Variants in BIN3 observed in about 807,000 individuals in gnomAD.
BIN3 encodes bridging integrator 3.
BIN3 carries 41 observed loss-of-function variants against 38.2 expected under a neutral mutation model. The ratio of observed to expected loss-of-function variants is 1.07; its 90% CI spans 0.84 to 1.39. The LOEUF is 1.39. Ranked by LOEUF, BIN3 falls within the 40% of genes most tolerant of loss-of-function variation. The probability of loss-of-function intolerance (pLI) is 0.00; values close to 1 mark genes in which losing one functional copy is unlikely to be tolerated. For missense variants in BIN3, 361 were observed against 324.3 expected (o/e 1.11, Z -0.87); for synonymous variants, 145 against 122.6 (o/e 1.18, Z -1.21).
At chr8:22,660,561 G>A (rs1411746974) in intron 1 of BIN3, among the ~76,000 whole-genome samples, 1 of 152,240 alleles carries the variant, frequency 6.6e-6, no homozygotes, top group Admixed American at 6.5e-5. Flanking sequence ...AAGATGGCTG[G>A]ATGGAAACTG....
intron 4 of BIN3, among the ~76,000 whole-genome samples, chr8:22,635,667 C>T (rs1405488294): frequency 1.3e-5 from 2 of 152,266 alleles, no homozygotes; most frequent in South Asian, 2.1e-4. Context: ...ATTGGCGTTA[C>T]CTGTGCTTCT....
chr8:22,663,777 AC>A lies in BIN3; in HGVS notation c.8+5266del. 3.3e-5 allele frequency among the ~76,000 whole-genome samples: 5 copies of A among 152,024 alleles called. 1 individual carries two copies. The highest frequency in any genetic ancestry group is 3.3e-4 in the Admixed American group (5 of 15,264). ...CTCTTGACGCATTCTGACTCCACAC[AC>A]CTTTTTCATGCCATGCTTCTTACCT... On this transcript the variant is annotated intron_variant, in intron 1 of 8. Transcript: ENST00000276416.
intron 2 of BIN3, among the ~76,000 whole-genome samples, chr8:22,641,178 G>A (rs990119013): frequency 1.3e-5 from 2 of 152,142 alleles, no homozygotes; most frequent in African/African-American, 4.8e-5. Context: ...AAAGGCAATT[G>A]GACCCCAGTC....
At chr8:22,655,976 T>G (rs1490036796) in intron 1 of BIN3, among the ~76,000 whole-genome samples, 1 of 152,188 alleles carries the variant, frequency 6.6e-6, no homozygotes, top group African/African-American at 2.4e-5. Context: ...TCCTGATACT[T>G]AGCAAAGCAA....
intron 4 of BIN3, among the ~76,000 whole-genome samples, chr8:22,631,415 G>A (rs1269020014): frequency 6.6e-6 from 1 of 152,142 alleles, no homozygotes; most frequent in Non-Finnish European, 1.5e-5. Context: ...CTGCCAGCAG[G>A]TCCCCATCTT....
intron 1 of BIN3, among the ~76,000 whole-genome samples, chr8:22,665,056 G>T (rs1263441341): frequency 6.6e-6 from 1 of 152,214 alleles, no homozygotes; most frequent in Non-Finnish European, 1.5e-5. Flanking sequence ...GTGTGGAAGG[G>T]AGGTGTACGT....
At chr8:22,645,176 A>AC (rs1802677707) in intron 1 of BIN3, among the ~76,000 whole-genome samples, 1 of 152,088 alleles carries the variant, frequency 6.6e-6, no homozygotes, top group South Asian at 2.1e-4. Flanking sequence ...AAAAAAAAAA[A>AC]AAAAAATCCG....
At chr8:22,635,194 A>G (rs1410533823) in intron 4 of BIN3, among the ~76,000 whole-genome samples, 1 of 152,100 alleles carries the variant, frequency 6.6e-6, no homozygotes, top group African/African-American at 2.4e-5. Flanking sequence ...TCACGTCCCC[A>G]CGAAGGCCTC....
chr8:22,657,127 C>T (rs977125168), intron 1 of BIN3, among the ~76,000 whole-genome samples: 5 of 152,224 alleles, frequency 3.3e-5, no homozygotes, highest in African/African-American at 1.2e-4. Context: ...GAGGCAGATT[C>T]CTTCTATGAT....
chr8:22,639,309 G>A (rs1477267199), intron 2 of BIN3, among the ~76,000 whole-genome samples: 2 of 151,340 alleles, frequency 1.3e-5, no homozygotes, highest in African/African-American at 4.9e-5. Flanking sequence ...ATGGCTCACT[G>A]CAGCCTTGAC....
At chr8:22,628,257 C>A (rs972450678) in intron 6 of BIN3, among the ~76,000 whole-genome samples, 1 of 152,214 alleles carries the variant, frequency 6.6e-6, no homozygotes, top group Admixed American at 6.5e-5. Flanking sequence ...CGAGCCCCTG[C>A]AGGGAGGCTG....
intron 1 of BIN3, among the ~76,000 whole-genome samples, chr8:22,657,138 C>A (rs1803081317): frequency 6.6e-6 from 1 of 152,226 alleles, no homozygotes; most frequent in Non-Finnish European, 1.5e-5. Context: ...CTTCTATGAT[C>A]TCATGCAGCT....
intron 1 of BIN3, among the ~76,000 whole-genome samples, chr8:22,654,206 T>C (rs1802987736): frequency 6.6e-6 from 1 of 152,206 alleles, no homozygotes; most frequent in Admixed American, 6.5e-5. Flanking sequence ...TTGTTGTTGA[T>C]GTCTCTTCTA....
At chr8:22,625,743 A>T (rs74619373) in intron 6 of BIN3, 1 of 223,710 alleles carries the variant, frequency 4.5e-6, no homozygotes, top group African/African-American at 2.2e-5. Flanking sequence ...GTGTGCCACT[A>T]CGCCCAGCTA....
At chr8:22,633,846 GCTGT>G (rs1278141182) in intron 4 of BIN3, among the ~76,000 whole-genome samples, 1 of 152,196 alleles carries the variant, frequency 6.6e-6, no homozygotes, top group Non-Finnish European at 1.5e-5. Context: ...GACTGATGTG[GCTGT>G]CAGGCTCGCC....
intron 1 of BIN3, among the ~76,000 whole-genome samples, chr8:22,651,181 T>C (rs1365098280): frequency 2.0e-5 from 3 of 152,260 alleles, no homozygotes; most frequent in South Asian, 2.1e-4. Context: ...GCATACTTTT[T>C]TTTTAACTTT....
intron 6 of BIN3, chr8:22,625,524 T>G: frequency 1.5e-6 from 1 of 662,392 alleles, no homozygotes. Context: ...AGACTCACTG[T>G]CAGGTTCCAG....
chr8:22,667,827 G>A (rs1230436447), intron 1 of BIN3, among the ~76,000 whole-genome samples: 1 of 152,048 alleles, frequency 6.6e-6, no homozygotes, highest in African/African-American at 2.4e-5. Context: ...GTGGGGGAGG[G>A]GACAGATGGT....
In BIN3 at chr8:22,668,999, C is replaced by G. The variant is rs561145253; in HGVS notation, c.8+45G>C. On this transcript the variant is annotated intron_variant, in intron 1 of 8. Coordinates refer to ENST00000276416, the MANE Select transcript of BIN3 (RefSeq NM_018688.6). ...CACTGACACAGGGCCAGGGGCCTCG[C>G]GGGTCCGCGGGTCCAGCAGCTCCCG... is the stretch of plus-strand genomic sequence containing the variant. 2.2e-5 allele frequency: 34 copies of G among 1,556,376 alleles called. 1 individual carries two copies. The African/African-American group carries it at 2.6e-4, about 12-fold the overall frequency.
Sources: gnomAD v4.1 joint callset for allele counts (sites outside exome capture counted in the v4.1 genomes callset) on GRCh38, gnomAD v4.1.1 for gene constraint, MANE v1.5 for transcripts, NCBI Gene and HGNC (gene_info 2026-07-23, HGNC 2026-07-21) for gene names.